Variants in CAST observed in about 807,000 individuals in gnomAD.
CAST encodes MIR583 host.
A neutral mutation model predicts 119.6 loss-of-function variants in CAST; 76 were observed. That is an observed-to-expected ratio of 0.64 (90% CI 0.53 to 0.77). CAST has a LOEUF of 0.77. CAST is among the 30% of genes least tolerant of loss of function. CAST has a pLI of 0.00. For missense variants in CAST, 953 were observed against 946.5 expected (o/e 1.01, Z -0.09); for synonymous variants, 319 against 331.6 (o/e 0.96, Z 0.41).
intron 16 of CAST, among the ~76,000 whole-genome samples, chr5:96,745,550 C>T (rs1763586285): frequency 6.6e-6 from 1 of 152,160 alleles, no homozygotes; most frequent in African/African-American, 2.4e-5. Context: ...GCCAAGTGAA[C>T]CTCCTACCTT....
At chr5:96,716,528 G>A (rs1010188625) in intron 3 of CAST, among the ~76,000 whole-genome samples, 2 of 152,190 alleles carry the variant, frequency 1.3e-5, no homozygotes, top group Non-Finnish European at 2.9e-5. Context: ...CCGGGGATGG[G>A]GATGGGGATG....
the CAST span, among the ~76,000 whole-genome samples, chr5:96,401,086 C>CAAAAAAAAA: frequency 1.4e-5 from 1 of 70,574 alleles, no homozygotes; most frequent in African/African-American, 5.9e-5. Flanking sequence ...GACTCCGTCT[C>CAAAAAAAAA]AAAAAAAAAA....
chr5:96,418,704 G>T, the CAST span, among the ~76,000 whole-genome samples: 1 of 152,082 alleles, frequency 6.6e-6, no homozygotes, highest in Admixed American at 6.5e-5. Context: ...AAACCTAAGG[G>T]CTTTATGTCT....
chr5:96,002,193 C>G, the CAST span, among the ~76,000 whole-genome samples: 1 of 152,190 alleles, frequency 6.6e-6, no homozygotes, highest in African/African-American at 2.4e-5. Context: ...TTGAAAAGGC[C>G]TTGCCTGATC....
At chr5:96,024,574 C>T in the CAST span, among the ~76,000 whole-genome samples, 8 of 151,698 alleles carry the variant, frequency 5.3e-5, no homozygotes, top group Non-Finnish European at 1.2e-4. Flanking sequence ...TTTTTTTTCA[C>T]AACAGATAAA....
At position 96,556,540 on chromosome 5, in the gene CAST, G is replaced by C. The variant is rs1746244285; in HGVS notation, c.60+26660G>C. Among the ~76,000 whole-genome samples the C allele has an allele frequency of 5.3e-5, 8 of 152,320 alleles. No homozygotes were observed. In the South Asian group the frequency reaches 1.7e-3, roughly 32 times the overall value. On this transcript the variant is annotated intron_variant, in intron 1 of 11. Coordinates refer to the CAST transcript ENST00000505143. ...GGACCTGATGGAGCTGAAAACCACA[G>C]CACGAGAACTATGTGACCAATGCAC... is the stretch of plus-strand genomic sequence containing the variant.
At chr5:96,444,069 C>A in the CAST span, among the ~76,000 whole-genome samples, 2 of 152,168 alleles carry the variant, frequency 1.3e-5, no homozygotes, top group Admixed American at 1.3e-4. Flanking sequence ...TCAACAATTT[C>A]TTTTGGTTGA....
chr5:96,185,699 T>C, the CAST span, among the ~76,000 whole-genome samples: 3 of 152,192 alleles, frequency 2.0e-5, no homozygotes, highest in African/African-American at 4.8e-5. Context: ...TTCTGATCAA[T>C]TGGTCTATGT....
At chr5:96,059,185 A>G in the CAST span, among the ~76,000 whole-genome samples, 2 of 152,008 alleles carry the variant, frequency 1.3e-5, no homozygotes, top group Admixed American at 6.6e-5. Flanking sequence ...CCTCCTGGCT[A>G]CCTAGCATCA....
intron 22 of CAST, among the ~76,000 whole-genome samples, chr5:96,755,464 G>A (rs1168763182): frequency 6.6e-6 from 1 of 152,202 alleles, no homozygotes; most frequent in African/African-American, 2.4e-5. Context: ...ATAGTGTTAA[G>A]TTGCCCCATT....
chr5:96,697,900 T>C (rs941188680), intron 3 of CAST, among the ~76,000 whole-genome samples: 2 of 152,244 alleles, frequency 1.3e-5, no homozygotes, highest in Non-Finnish European at 2.9e-5. Context: ...TCTCCTGTGA[T>C]TGATCATGTT....
At chr5:96,236,722 A>C in the CAST span, among the ~76,000 whole-genome samples, 41 of 152,306 alleles carry the variant, frequency 2.7e-4, no homozygotes, top group African/African-American at 9.1e-4. Context: ...CTTATACTAA[A>C]AATCATTTAT....
At chr5:96,665,745 C>A (rs370748751) in intron 1 of CAST, among the ~76,000 whole-genome samples, 2 of 135,022 alleles carry the variant, frequency 1.5e-5, no homozygotes, top group East Asian at 3.9e-4. Context: ...CACACACATA[C>A]ACACACACAC....
chr5:95,979,869 GCA>G, the CAST span, among the ~76,000 whole-genome samples: 1 of 152,248 alleles, frequency 6.6e-6, no homozygotes, highest in South Asian at 2.1e-4. Context: ...TGTTATCCCA[GCA>G]CTTTGGGATG....
At chr5:96,607,162 C>T (rs1413430359) in intron 1 of CAST, among the ~76,000 whole-genome samples, 5 of 152,142 alleles carry the variant, frequency 3.3e-5, no homozygotes, top group African/African-American at 1.2e-4. Context: ...GTGGTGGGCG[C>T]CTGTAGTCCC....
intron 2 of CAST, among the ~76,000 whole-genome samples, chr5:96,681,343 A>T (rs1751389152): frequency 6.6e-6 from 1 of 152,086 alleles, no homozygotes; most frequent in African/African-American, 2.4e-5. Context: ...TGCTTCAGAG[A>T]TGTCTGAGGC....
At chr5:96,405,474 G>T in the CAST span, among the ~76,000 whole-genome samples, 1 of 152,156 alleles carries the variant, frequency 6.6e-6, no homozygotes, top group Non-Finnish European at 1.5e-5. Context: ...AATGAGGCTA[G>T]ATCATTCCTA....
Position 96,765,107 on chromosome 5 carries a change from T to C in CAST, c.1933-114T>C. The C allele has an allele frequency of 4.3e-6, 3 of 690,140 alleles. No homozygotes were observed. In the South Asian group the frequency reaches 5.2e-5, roughly 12 times the overall value. The allele number at this position is 690,140 out of a possible 1,614,324, so 42.8% of individuals were successfully genotyped here. A position where few individuals can be genotyped will look rare whatever the true frequency, so the allele number is the denominator to read the frequency against. On this transcript the variant is annotated intron_variant, in intron 25 of 31. Transcript: ENST00000675179. The stretch of plus-strand genomic sequence containing the variant: ...TACTCCCCTGCCCCAGCCCCAGATG[T>C]CTTTTTCTTCCAAGGAAACAGGTTC...
chr5:96,609,364 G>A (rs752096644), intron 1 of CAST, among the ~76,000 whole-genome samples: 14 of 152,166 alleles, frequency 9.2e-5, no homozygotes, highest in Non-Finnish European at 4.4e-5. Context: ...AAGACATGAA[G>A]TAGAAATATA....
Sources: gnomAD v4.1 joint callset for allele counts (sites outside exome capture counted in the v4.1 genomes callset) on GRCh38, gnomAD v4.1.1 for gene constraint, MANE v1.5 for transcripts, NCBI Gene and HGNC (gene_info 2026-07-23, HGNC 2026-07-21) for gene names.